Variants in ALG6 observed in about 807,000 individuals in gnomAD.
ALG6 encodes ALG6 alpha-1,3-glucosyltransferase.
Under a neutral mutation model 66.6 loss-of-function variants are expected in ALG6, and 46 were observed. That is an observed-to-expected ratio of 0.69 (90% CI 0.55 to 0.88). The LOEUF (loss-of-function observed/expected upper bound fraction) is 0.88, where lower values mean the gene tolerates loss of function less well. ALG6 is among the 40% of genes least tolerant of loss of function. The pLI is 0.00. For missense variants in ALG6, 505 were observed against 586.8 expected, an observed-to-expected ratio of 0.86 and a Z score of 1.44; for synonymous variants, 185 against 203.7, an observed-to-expected ratio of 0.91 and a Z score of 0.78.
At position 63,383,355 on chromosome 1, in the gene ALG6, C is replaced by T. The variant is rs141561197; in HGVS notation, c.82+12296C>T. ...GTCCAGGCTGGTCTTGAACTCCTGG[C>T]GATCTGCCCACCTTGGCCTCCCAAA... On this transcript the variant is annotated intron_variant, in intron 2 of 14. Transcript: ENST00000263440. Among the ~76,000 whole-genome samples, 73 of 147,646 alleles carry T rather than the reference C, an allele frequency of 4.9e-4. 2 individuals carry two copies. The South Asian group carries it at 8.6e-3, about 17-fold the overall frequency.
chr1:63,398,630 G>A (rs1022932001), intron 3 of ALG6, among the ~76,000 whole-genome samples: 4 of 151,642 alleles, frequency 2.6e-5, no homozygotes, highest in African/African-American at 9.7e-5. Context: ...CCACCACCAC[G>A]CCTGGCTAAT....
chr1:63,385,134 A>G (rs1346950366), intron 2 of ALG6, among the ~76,000 whole-genome samples: 1 of 124,440 alleles, frequency 8.0e-6, no homozygotes, highest in Admixed American at 7.8e-5. Flanking sequence ...ATTTTTTTGA[A>G]TTTCTTTCAT....
chr1:63,372,981 T>TAC (rs1324402511), intron 2 of ALG6, among the ~76,000 whole-genome samples: 3 of 151,680 alleles, frequency 2.0e-5, no homozygotes, highest in Non-Finnish European at 4.4e-5. Flanking sequence ...TATAGATGTA[T>TAC]ACACACACAC....
chr1:63,371,100 C>A, intron 2 of ALG6, 41 bp downstream of exon 2: 1 of 1,370,976 alleles, frequency 7.3e-7, no homozygotes, highest in Non-Finnish European at 1.0e-6. Flanking sequence ...CGAAATTTTC[C>A]TTTGAATAGG....
chr1:63,388,895 A>G (rs966788325), intron 2 of ALG6, among the ~76,000 whole-genome samples: 1 of 151,934 alleles, frequency 6.6e-6, no homozygotes, highest in African/African-American at 2.4e-5. Flanking sequence ...ATGTTGTGCC[A>G]TTCTCTTCTG....
At position 63,429,115 on chromosome 1, in the gene ALG6, A is replaced by G. The variant is rs1259683238; in HGVS notation, c.1315A>G (p.Ile439Val). ...LPCFTFLSRI[I>V]QYLFLISVIT... Reference sequence around the variant, plus strand: ...ATGTTTTACATTTCTTTCCAGAATTATACAATATTTGGTAAGTTCAATTTT... The same window carrying G: ...ATGTTTTACATTTCTTTCCAGAATTGTACAATATTTGGTAAGTTCAATTTT... The change falls in exon 14 of 15, where the codon ATA (isoleucine) becomes GTA (valine). Residue 439 changes from isoleucine (I) to valine (V), a missense_variant. Transcript: ENST00000263440. 4 of 1,597,158 alleles carry G rather than the reference A, an allele frequency of 2.5e-6. No individual in the cohort carries two copies. In the Admixed American group the frequency reaches 6.8e-5, roughly 27 times the overall value.
chr1:63,412,431 G>C (rs367800780), intron 9 of ALG6, among the ~76,000 whole-genome samples: 343 of 152,184 alleles, frequency 2.3e-3, no homozygotes, highest in African/African-American at 8.0e-3. Flanking sequence ...TCCATCAATA[G>C]GTAATATTCA....
intron 7 of ALG6, among the ~76,000 whole-genome samples, chr1:63,409,130 G>A (rs1018697034): frequency 1.3e-5 from 2 of 152,074 alleles, no homozygotes; most frequent in Non-Finnish European, 2.9e-5. Context: ...TGCAAAATGT[G>A]GATAATAGAA....
intron 14 of ALG6, among the ~76,000 whole-genome samples, chr1:63,435,273 T>C (rs1016599357): frequency 6.6e-6 from 1 of 152,200 alleles, no homozygotes; most frequent in Non-Finnish European, 1.5e-5. Flanking sequence ...CGTGGTATTA[T>C]GACATTTCAA....
chr1:63,389,168 ATCTC>A lies in ALG6; in HGVS notation c.83-7331_83-7328del, dbSNP rs750671136. ...CCCTTTGAATAAACTTTCTACCCTG[ATCTC>A]TCTCTCTCTCTCTATTACCTCTTTA... is the stretch of plus-strand genomic sequence containing the variant. On this transcript the variant is annotated intron_variant, in intron 2 of 14. Coordinates refer to ENST00000263440, the MANE Select transcript of ALG6 (RefSeq NM_013339.4). 1.7e-4 allele frequency among the ~76,000 whole-genome samples: 25 copies of A among 150,072 alleles called. No individual in the cohort carries two copies. In the South Asian group the frequency reaches 3.6e-3, roughly 22 times the overall value.
chr1:63,428,813 C>A lies in ALG6; in HGVS notation c.1127+12C>A, dbSNP rs539762580. 7 of 1,597,248 alleles carry A rather than the reference C, an allele frequency of 4.4e-6. No homozygotes were observed. In the South Asian group the frequency reaches 6.7e-5, roughly 15 times the overall value. On this transcript the variant is annotated intron_variant, in intron 13 of 14. Transcript: ENST00000263440. ...GTGTCAACATTTAGGTAAGTCATAT[C>A]AATTTCCATATATTTTCAGTATAAT...
rs182269759 is a variant in ALG6, at chr1:63,395,656, C to T, written c.83-857C>T. Among the ~76,000 whole-genome samples, 7 of 152,280 alleles carry T rather than the reference C, an allele frequency of 4.6e-5. No homozygotes were observed. In the East Asian group the frequency reaches 1.4e-3, roughly 29 times the overall value. On this transcript the variant is annotated intron_variant, in intron 2 of 14. Transcript: ENST00000263440. Reference sequence around the variant, plus strand: ...GTTGCAGTAAGCTGAGATTGTGCCACTGCACTCCAGCCTGGGTGACAGAGC... The same window carrying T: ...GTTGCAGTAAGCTGAGATTGTGCCATTGCACTCCAGCCTGGGTGACAGAGC...
rs1235729138 is a variant in ALG6, at chr1:63,402,492, A to T, written c.257+149A>T. ...TTTTTTTTTTTTTTTTTTGAGATGAAGTCTCACTCCATCGCCCAGGCTGGA... is the reference window on the plus strand; with the variant it reads ...TTTTTTTTTTTTTTTTTTGAGATGATGTCTCACTCCATCGCCCAGGCTGGA... On this transcript the variant is annotated intron_variant, in intron 4 of 14. Transcript: ENST00000263440. 191 of 551,090 alleles carry T rather than the reference A, an allele frequency of 3.5e-4. 1 individual carries two copies. The highest frequency in any genetic ancestry group is 2.5e-3 in the Middle Eastern group (5 of 1,970). The allele number at this position is 551,090 out of a possible 1,614,324, so 34.1% of individuals were successfully genotyped here. A position where few individuals can be genotyped will look rare whatever the true frequency, so the allele number is the denominator to read the frequency against.
At chr1:63,394,314 T>G (rs1648756434) in intron 2 of ALG6, among the ~76,000 whole-genome samples, 1 of 152,228 alleles carries the variant, frequency 6.6e-6, no homozygotes, top group Admixed American at 6.5e-5. Flanking sequence ...TAGTCAACTG[T>G]TAGTTAAATA....
At chr1:63,419,247 T>C (rs1468208970) in intron 11 of ALG6, 123 bp from the exon 12 acceptor site, 1 of 823,088 alleles carries the variant, frequency 1.2e-6, no homozygotes, top group Non-Finnish European at 2.0e-6. Context: ...ATTTTACTTC[T>C]AAATAGAGCT....
At chr1:63,424,043 AT>A (rs1644601938) in intron 12 of ALG6, among the ~76,000 whole-genome samples, 1 of 152,154 alleles carries the variant, frequency 6.6e-6, no homozygotes, top group Admixed American at 6.5e-5. Flanking sequence ...CGTGATTCTG[AT>A]TTGCATATCC....
chr1:63,424,985 G>C (rs558318062), intron 12 of ALG6, among the ~76,000 whole-genome samples: 20 of 151,986 alleles, frequency 1.3e-4, no homozygotes, highest in Middle Eastern at 6.8e-3. Flanking sequence ...TAATTATGTT[G>C]GTCAGGCTGG....
chr1:63,432,820 G>A (rs985901702), intron 14 of ALG6, among the ~76,000 whole-genome samples: 23 of 152,222 alleles, frequency 1.5e-4, no homozygotes, highest in Non-Finnish European at 2.4e-4. Context: ...AGGCGGGAGT[G>A]CGGTGGTGCA....
At position 63,428,768 on chromosome 1, in the gene ALG6, T is replaced by A. The variant is rs1347289429; in HGVS notation, c.1094T>A (p.Met365Lys). 1 of 1,609,814 alleles carries A rather than the reference T, an allele frequency of 6.2e-7. No individual in the cohort carries two copies. Among genetic ancestry groups the A allele is most frequent in the African/African-American group, 1.3e-5 (1 of 74,970 alleles). The part of the protein sequence containing the change: ...VCLVLSEIPF[M>K]STWFLLVSTF... ...TTAGTTTTAAGTGAAATTCCTTTTA[T>A]GTCTACTTGGTTTTTACTTGTGTCA... is the stretch of plus-strand genomic sequence containing the variant. The change falls in exon 13 of 15, where the codon ATG (methionine) becomes AAG (lysine). Residue 365 changes from methionine (M) to lysine (K), a missense_variant. By Grantham distance (95) the Met-to-Lys change is moderately conservative (BLOSUM62 -1). Coordinates refer to ENST00000263440, the MANE Select transcript of ALG6 (RefSeq NM_013339.4).
Sources: gnomAD v4.1 joint callset for allele counts (sites outside exome capture counted in the v4.1 genomes callset) on GRCh38, gnomAD v4.1.1 for gene constraint, MANE v1.5 for transcripts, NCBI Gene and HGNC (gene_info 2026-07-23, HGNC 2026-07-21) for gene names.